The following BCR variants were observed in gnomAD, a reference collection of about 807,000 sequenced individuals.
BCR encodes BCR activator of RhoGEF and GTPase.
Under a neutral mutation model 138.6 loss-of-function variants are expected in BCR, and 58 were observed. The observed-to-expected ratio is 0.42, with a 90% CI of 0.34 to 0.52. The LOEUF is 0.52. Ranked by LOEUF, BCR falls within the 20% of genes least tolerant of loss-of-function variation. The pLI is 0.06. For missense variants in BCR, 1,599 were observed against 1,727.2 expected (o/e 0.93, Z 1.32); for synonymous variants, 786 against 730.1 (o/e 1.08, Z -1.23).
chr22:23,313,522 T>G (rs1352934689), intron 20 of BCR, among the ~76,000 whole-genome samples: 1 of 152,190 alleles, frequency 6.6e-6, no homozygotes, highest in Non-Finnish European at 1.5e-5. Flanking sequence ...AGCCTGCAGG[T>G]GCCCCTGTGG....
chr22:23,284,430 C>T (rs895011446), intron 9 of BCR, among the ~76,000 whole-genome samples: 4 of 152,120 alleles, frequency 2.6e-5, no homozygotes, highest in Middle Eastern at 3.4e-3. Context: ...CTTGTCTCCC[C>T]GAGCCTGGTG....
intron 1 of BCR, among the ~76,000 whole-genome samples, chr22:23,205,827 A>G (rs2072606302): frequency 6.6e-6 from 1 of 152,178 alleles, no homozygotes; most frequent in African/African-American, 2.4e-5. Flanking sequence ...CTTAAGGCCT[A>G]GGTCACATGA....
At chr22:23,252,433 T>TC (rs1491541318) in intron 1 of BCR, among the ~76,000 whole-genome samples, 2 of 127,180 alleles carry the variant, frequency 1.6e-5, no homozygotes, top group Non-Finnish European at 3.4e-5. Flanking sequence ...TTTTCTTTTC[T>TC]TTTTTTTTTT....
chr22:23,188,938 C>G (rs539781989), intron 1 of BCR, among the ~76,000 whole-genome samples: 1 of 152,150 alleles, frequency 6.6e-6, no homozygotes, highest in Non-Finnish European at 1.5e-5. Flanking sequence ...ACGATCTAGG[C>G]TCACTACAAC....
chr22:23,300,547 A>C (rs2073891929), intron 16 of BCR, among the ~76,000 whole-genome samples: 1 of 151,860 alleles, frequency 6.6e-6, no homozygotes, highest in African/African-American at 2.4e-5. Flanking sequence ...TTGCATTCGC[A>C]AGCTGTTGCC....
chr22:23,269,450 A>C (rs1170077970), intron 5 of BCR, among the ~76,000 whole-genome samples: 1 of 152,188 alleles, frequency 6.6e-6, no homozygotes, highest in African/African-American at 2.4e-5. Flanking sequence ...TAGGGAGTGA[A>C]TGCGGTCACC....
intron 1 of BCR, among the ~76,000 whole-genome samples, chr22:23,188,199 G>A (rs1180305921): frequency 6.6e-6 from 1 of 152,150 alleles, no homozygotes; most frequent in African/African-American, 2.4e-5. Context: ...GCCGCTAAAG[G>A]CATCAGCAGC....
intron 4 of BCR, chr22:23,263,152 G>GGGA (rs1012497964): frequency 1.1e-5 from 8 of 740,374 alleles, no homozygotes; most frequent in African/African-American, 5.4e-5. Context: ...GCGGCAGCCA[G>GGGA]GGAGGAGGAG....
Position 23,242,145 on chromosome 22 carries a change from G to T in BCR, c.1280-11654G>T, listed in dbSNP as rs79924979. Among the ~76,000 whole-genome samples, 1,096 of 152,294 alleles carry T rather than the reference G, an allele frequency of 7.2e-3. 6 individuals are homozygous for T. Among genetic ancestry groups the T allele is most frequent in the Non-Finnish European group, 0.01 (711 of 68,030 alleles). ...TCACCAGAGTCAAGTCCAGACAAGT[G>T]GCCGAAGCAAGATGCTTTATCCTTT... On this transcript the variant is annotated intron_variant, in intron 1 of 22. Transcript: ENST00000305877.
Position 23,287,184 on chromosome 22 carries a change from C to T in BCR, c.2432C>T (p.Thr811Met), listed in dbSNP as rs367999645. Residue 811 changes from threonine to methionine, a missense_variant, in exon 11 of 23, where the codon ACG becomes ATG. Transcript: ENST00000305877. ...EKRANKGSKA[T>M]ERLKKKLSEQ... ...AGGGCGAACAAGGGCAGCAAGGCTA[C>T]GGAGAGGCTGAAGAAGAAGCTGTCG... is the stretch of plus-strand genomic sequence containing the variant. 61 of 1,576,532 alleles carry T rather than the reference C, an allele frequency of 3.9e-5. No homozygotes were observed. Among genetic ancestry groups the T allele is most frequent in the Admixed American group, 5.5e-5 (3 of 54,672 alleles).
At chr22:23,286,009 C>G (rs1017533331) in intron 10 of BCR, among the ~76,000 whole-genome samples, 3 of 152,202 alleles carry the variant, frequency 2.0e-5, no homozygotes, top group Non-Finnish European at 4.4e-5. Context: ...TCTCCTGATA[C>G]CCAGGCTGCG....
chr22:23,268,279 G>A (rs2073468205), intron 4 of BCR, 129 bp from the exon 5 acceptor site: 4 of 671,818 alleles, frequency 6.0e-6, no homozygotes, highest in African/African-American at 1.9e-5. Flanking sequence ...GAAGCGCCGA[G>A]GCCTCTGCAG....
At chr22:23,294,886 C>G (rs1475576815) in intron 15 of BCR, 138 bp from the exon 16 acceptor site, 52 of 1,125,770 alleles carry the variant, frequency 4.6e-5, no homozygotes, top group Non-Finnish European at 6.4e-5. Context: ...TGTCCCAGGA[C>G]TAAGGGAGGA....
chr22:23,286,829 C>A (rs1388856360), intron 10 of BCR, among the ~76,000 whole-genome samples: 4 of 152,166 alleles, frequency 2.6e-5, no homozygotes, highest in Non-Finnish European at 5.9e-5. Context: ...GCCTCCTAGA[C>A]ATTGTCTGAA....
chr22:23,217,575 G>A (rs1602025414), intron 1 of BCR, among the ~76,000 whole-genome samples: 2 of 152,202 alleles, frequency 1.3e-5, no homozygotes, highest in South Asian at 2.1e-4. Flanking sequence ...AGGGGGCATC[G>A]GTGGGAACCC....
In BCR at chr22:23,230,572, G is replaced by C. The variant is rs533849590; in HGVS notation, c.1280-23227G>C. On this transcript the variant is annotated intron_variant, in intron 1 of 22. Transcript: ENST00000305877. ...GGCAAAGCACCTCTCTCTGCCTCCT[G>C]CTGGTTTATTCAGCAGTGTCCCAGG... Among the ~76,000 whole-genome samples the C allele has an allele frequency of 2.0e-5, 3 of 152,336 alleles. No homozygotes were observed. The South Asian group carries it at 6.2e-4, about 32-fold the overall frequency.
intron 16 of BCR, among the ~76,000 whole-genome samples, chr22:23,297,224 T>TTTTG (rs1568979587): frequency 2.1e-5 from 3 of 141,786 alleles, no homozygotes; most frequent in African/African-American, 5.3e-5. Context: ...GTTTTTTGTT[T>TTTTG]TTTTTTTTTT....
chr22:23,283,870 G>C lies in BCR; in HGVS notation c.2116-107G>C, dbSNP rs866450984. The C allele has an allele frequency of 7.2e-6, 10 of 1,394,068 alleles. No homozygotes were observed. The South Asian group carries it at 1.2e-4, about 17-fold the overall frequency. The allele number at this position is 1,394,068 out of a possible 1,614,324, so 86.4% of individuals were successfully genotyped here. On this transcript the variant is annotated intron_variant, in intron 8 of 22. Coordinates refer to ENST00000305877, the MANE Select transcript of BCR (RefSeq NM_004327.4). ...GTGGAGGGAGTGAAATCTTCCCAGG[G>C]AGAGAATGTCTCTGGGTCAACCTGC...
chr22:23,245,359 C>G (rs1409262704), intron 1 of BCR, among the ~76,000 whole-genome samples: 1 of 152,114 alleles, frequency 6.6e-6, no homozygotes, highest in Non-Finnish European at 1.5e-5. Flanking sequence ...ATGACCCTGA[C>G]CTCTCTCTAC....
Sources: gnomAD v4.1 joint callset for allele counts (sites outside exome capture counted in the v4.1 genomes callset) on GRCh38, gnomAD v4.1.1 for gene constraint, MANE v1.5 for transcripts, NCBI Gene and HGNC (gene_info 2026-07-23, HGNC 2026-07-21) for gene names.